Variants in MDGA2 observed in about 807,000 individuals in gnomAD.
MDGA2 encodes the protein MAM domain-containing glycosylphosphatidylinositol anchor protein 2.
Under a neutral mutation model 117.8 loss-of-function variants are expected in MDGA2, and 40 were observed. The ratio of observed to expected loss-of-function variants is 0.34; its 90% confidence interval spans 0.26 to 0.44. The LOEUF (loss-of-function observed/expected upper bound fraction) is 0.44. MDGA2 is among the 20% of genes least tolerant of loss of function. The pLI, the probability that MDGA2 is intolerant of heterozygous loss-of-function variation, is 1.00. For missense variants in MDGA2, 1,123 were observed against 1,250.6 expected (o/e 0.90, Z 1.54); for synonymous variants, 452 against 439.0 (o/e 1.03, Z -0.37).
At chr14:46,874,821 G>A (rs1000855375) in intron 12 of MDGA2, among the ~76,000 whole-genome samples, 3 of 151,634 alleles carry the variant, frequency 2.0e-5, no homozygotes, top group Non-Finnish European at 4.4e-5. Context: ...TTGAAGGACT[G>A]TGATTTCTCG....
At chr14:46,928,257 C>T (rs938695682) in intron 9 of MDGA2, among the ~76,000 whole-genome samples, 2 of 152,048 alleles carry the variant, frequency 1.3e-5, no homozygotes. Flanking sequence ...ACAATACATT[C>T]AGCCAATATA....
intron 16 of MDGA2, 106 bp downstream of exon 16, chr14:46,845,660 C>T (rs1463873367): frequency 3.0e-6 from 2 of 669,518 alleles, no homozygotes; most frequent in Non-Finnish European, 4.9e-6. Flanking sequence ...TCTAAATAAA[C>T]CAACTAAAAA....
intron 1 of MDGA2, among the ~76,000 whole-genome samples, chr14:47,327,448 A>C (rs1200120200): frequency 6.6e-6 from 1 of 152,182 alleles, no homozygotes; most frequent in East Asian, 1.9e-4. Flanking sequence ...CTGATTCTCC[A>C]TAACAAGAAG....
chr14:47,169,538 G>C lies in MDGA2; in HGVS notation c.596-25264C>G, dbSNP rs554449794. Among the ~76,000 whole-genome samples, 41 of 151,904 alleles carry C rather than the reference G, an allele frequency of 2.7e-4. No individual in the cohort carries two copies. The South Asian group carries it at 5.6e-3, about 21-fold the overall frequency. ...AAAAATTCATATTTATTGGTAACCAGTAATTTTGCTAAGAATTTCCAAAAA... is the reference window on the plus strand; with the variant it reads ...AAAAATTCATATTTATTGGTAACCACTAATTTTGCTAAGAATTTCCAAAAA... On this transcript the variant is annotated intron_variant, in intron 3 of 16. Coordinates refer to ENST00000399232, the MANE Select transcript of MDGA2 (RefSeq NM_001113498.3).
intron 6 of MDGA2, among the ~76,000 whole-genome samples, chr14:47,069,079 T>C (rs539866156): frequency 1.3e-5 from 2 of 152,168 alleles, no homozygotes; most frequent in Non-Finnish European, 2.9e-5. Context: ...AAAACACTTC[T>C]CTTAACCCCA....
chr14:46,994,920 A>G (rs939501839), intron 8 of MDGA2, among the ~76,000 whole-genome samples: 1 of 152,076 alleles, frequency 6.6e-6, no homozygotes, highest in African/African-American at 2.4e-5. Flanking sequence ...TGAAGACATC[A>G]TTTTCAGACC....
chr14:46,998,934 A>G (rs923032434), intron 8 of MDGA2, among the ~76,000 whole-genome samples: 1 of 152,076 alleles, frequency 6.6e-6, no homozygotes, highest in South Asian at 2.1e-4. Flanking sequence ...TTGTTCTATC[A>G]TAAGAAATCT....
intron 2 of MDGA2, among the ~76,000 whole-genome samples, chr14:47,287,110 C>T (rs1052733711): frequency 6.6e-5 from 10 of 151,882 alleles, no homozygotes; most frequent in Non-Finnish European, 1.3e-4. Flanking sequence ...AATAAATTAA[C>T]TAAATTCACA....
intron 1 of MDGA2, chr14:47,626,216 G>C (rs1026969606): frequency 6.6e-6 from 1 of 152,044 alleles, no homozygotes; most frequent in Admixed American, 6.6e-5. Context: ...TTGATTTTTT[G>C]GTTTTTTTGT....
intron 1 of MDGA2, among the ~76,000 whole-genome samples, chr14:47,458,137 T>G (rs1207181959): frequency 2.0e-5 from 3 of 152,112 alleles, no homozygotes; most frequent in Admixed American, 6.6e-5. Flanking sequence ...TAAATCAGGT[T>G]GTTTTGTTGC....
intron 8 of MDGA2, among the ~76,000 whole-genome samples, chr14:46,987,661 A>AT (rs1251214772): frequency 1.3e-5 from 2 of 152,102 alleles, no homozygotes; most frequent in African/African-American, 4.8e-5. Flanking sequence ...CTAAATATGC[A>AT]TAAGACTAAC....
At position 47,425,111 on chromosome 14, in the gene MDGA2, T is replaced by C. The variant is rs1432168644; in HGVS notation, c.281-123561A>G. Among the ~76,000 whole-genome samples the C allele has an allele frequency of 2.0e-5, 3 of 152,322 alleles. No individual in the cohort carries two copies. In the East Asian group the frequency reaches 5.8e-4, roughly 29 times the overall value. On this transcript the variant is annotated intron_variant, in intron 1 of 16. Coordinates refer to ENST00000399232, the MANE Select transcript of MDGA2 (RefSeq NM_001113498.3). ...AGTTATCAGGCAATTTAAATTTAGC[T>C]TATCTGATAAGTCTCCATAATCCCT... is the stretch of plus-strand genomic sequence containing the variant.
chr14:46,867,244 G>T (rs1029137557), intron 14 of MDGA2, among the ~76,000 whole-genome samples: 43 of 152,272 alleles, frequency 2.8e-4, no homozygotes, highest in Non-Finnish European at 4.3e-4. Context: ...ACTTTGTAAG[G>T]ACATGGATGA....
chr14:47,421,959 C>T (rs1282650606), intron 1 of MDGA2, among the ~76,000 whole-genome samples: 3 of 134,516 alleles, frequency 2.2e-5, no homozygotes, highest in Admixed American at 8.0e-5. Flanking sequence ...CAATTTTGAA[C>T]TTTTGGTGAC....
At chr14:47,631,357 T>C (rs987078058) in intron 1 of MDGA2, among the ~76,000 whole-genome samples, 34 of 152,218 alleles carry the variant, frequency 2.2e-4, no homozygotes, top group African/African-American at 8.2e-4. Context: ...GAATCTTCTC[T>C]TCCCCCAGCC....
chr14:47,260,623 A>T (rs1887764889), intron 2 of MDGA2, among the ~76,000 whole-genome samples: 1 of 152,130 alleles, frequency 6.6e-6, no homozygotes, highest in South Asian at 2.1e-4. Flanking sequence ...ATAGACAACA[A>T]CCACAGTGAA....
At chr14:47,098,797 G>A (rs1880131965) in intron 5 of MDGA2, among the ~76,000 whole-genome samples, 1 of 151,780 alleles carries the variant, frequency 6.6e-6, no homozygotes, top group Non-Finnish European at 1.5e-5. Flanking sequence ...AGGCCTAAAG[G>A]CCATTAACAG....
chr14:46,858,053 C>CAT (rs1163928008), intron 14 of MDGA2, among the ~76,000 whole-genome samples: 1 of 151,410 alleles, frequency 6.6e-6, no homozygotes, highest in Non-Finnish European at 1.5e-5. Flanking sequence ...TATTAAAGTA[C>CAT]ATATATATAA....
At chr14:47,329,080 T>C (rs1478858778) in intron 1 of MDGA2, among the ~76,000 whole-genome samples, 1 of 152,102 alleles carries the variant, frequency 6.6e-6, no homozygotes, top group Non-Finnish European at 1.5e-5. Context: ...TGTTATAAAC[T>C]AGGGGGAAAA....
Sources: allele counts gnomAD v4.1 joint callset (sites outside exome capture counted in the v4.1 genomes callset), GRCh38; gene constraint gnomAD v4.1.1; transcripts MANE v1.5; gene names NCBI Gene and HGNC (gene_info 2026-07-23, HGNC 2026-07-21).